IL5RA: variants seen among roughly 807,000 people sequenced by gnomAD.
IL5RA encodes interleukin 5 receptor subunit alpha.
A neutral mutation model predicts 50.0 loss-of-function variants in IL5RA; 49 were observed. The ratio of observed to expected loss-of-function variants is 0.98; its 90% CI spans 0.78 to 1.24. IL5RA has a LOEUF of 1.24. IL5RA is among the 50% of genes most tolerant of loss of function. IL5RA has a pLI of 0.00. For missense variants in IL5RA, 600 were observed against 500.4 expected (o/e 1.20, Z -1.90); for synonymous variants, 202 against 174.0 (o/e 1.16, Z -1.26).
intron 2 of IL5RA, among the ~76,000 whole-genome samples, chr3:3,107,563 T>G (rs536540292): frequency 1.3e-5 from 2 of 152,280 alleles, no homozygotes; most frequent in African/African-American, 4.8e-5. Context: ...CCAATTAAAA[T>G]CTAGCAGAAA....
At chr3:3,073,232 G>A (rs1171653696) in intron 11 of IL5RA, among the ~76,000 whole-genome samples, 3 of 152,154 alleles carry the variant, frequency 2.0e-5, no homozygotes, top group African/African-American at 4.8e-5. Context: ...AATCATTTTG[G>A]TGAGTTTTTC....
In IL5RA at chr3:3,074,885, A is replaced by C. The variant is rs368091203; in HGVS notation, c.1092-19T>G. 12 of 1,482,726 alleles carry C rather than the reference A, an allele frequency of 8.1e-6. No homozygotes were observed. The highest frequency in any genetic ancestry group is 4.5e-5 in the South Asian group (4 of 88,136). The allele number at this position is 1,482,726 out of a possible 1,614,324, so 91.8% of individuals were successfully genotyped here. ...ATGACATCTGAAAACAGAGTAAAGA[A>C]GGAATTAGGTGAGCATGAGTATACC... is the stretch of plus-strand genomic sequence containing the variant. On this transcript the variant is annotated intron_variant, in intron 10 of 11. Coordinates refer to ENST00000446632, the MANE Select transcript of IL5RA (RefSeq NM_175726.4).
rs1450690748 is a variant in IL5RA, at chr3:3,097,978, T to A, written c.601A>T (p.Thr201Ser). Residue 201 changes from threonine to serine, a missense_variant, in exon 7 of 12, where the codon ACT (threonine) becomes TCT (serine). Coordinates refer to ENST00000446632, the MANE Select transcript of IL5RA (RefSeq NM_175726.4). Reference sequence around the variant, plus strand: ...TCACGCCCTTTGCTGAGGATAAAAGTCCTGGGAAACCAGCATGCGATATTT... The same window carrying A: ...TCACGCCCTTTGCTGAGGATAAAAGACCTGGGAAACCAGCATGCGATATTT... ...GRNIACWFPR[T>S]FILSKGRDWL... is the part of the protein sequence containing the mutation. 6.2e-6 allele frequency: 10 copies of A among 1,614,194 alleles called. No homozygotes were observed. Among genetic ancestry groups the A allele is most frequent in the East Asian group, 2.2e-5 (1 of 44,876 alleles).
chr3:3,090,400 G>A (rs1022008764), intron 9 of IL5RA: 4 of 635,836 alleles, frequency 6.3e-6, no homozygotes, highest in East Asian at 5.7e-5. Flanking sequence ...AACAGTTAAC[G>A]ACGTGTGTGT....
chr3:3,108,492 T>G (rs1704036983), intron 2 of IL5RA, 58 bp downstream of exon 2: 1 of 152,238 alleles, frequency 6.6e-6, no homozygotes, highest in African/African-American at 2.4e-5. Flanking sequence ...AGCAAAATAT[T>G]TCCTGCCAAT....
chr3:3,096,465 A>C (rs1009739140), intron 7 of IL5RA, among the ~76,000 whole-genome samples: 19 of 152,152 alleles, frequency 1.2e-4, no homozygotes, highest in African/African-American at 4.3e-4. Flanking sequence ...CACAATTAAT[A>C]GGGAAAAGCT....
At chr3:3,101,480 A>T (rs6808454) in intron 5 of IL5RA, among the ~76,000 whole-genome samples, 9,521 of 152,196 alleles carry the variant, frequency 0.063, 440 homozygotes, top group Admixed American at 0.13. Flanking sequence ...ATGCAGAGAC[A>T]GTGGATATTT....
At chr3:3,101,619 T>C in intron 5 of IL5RA, 73 bp downstream of exon 5, 2 of 1,488,388 alleles carry the variant, frequency 1.3e-6, no homozygotes, top group East Asian at 2.3e-5. Flanking sequence ...AGTGGGTTAG[T>C]GTTAATTTTT....
chr3:3,072,462 A>C (rs1702335573), intron 11 of IL5RA, among the ~76,000 whole-genome samples: 1 of 152,140 alleles, frequency 6.6e-6, no homozygotes, highest in Non-Finnish European at 1.5e-5. Flanking sequence ...ACTTGATTTT[A>C]ATTAACAACA....
intron 4 of IL5RA, among the ~76,000 whole-genome samples, chr3:3,102,328 T>G (rs76696342): frequency 0.019 from 2,954 of 152,334 alleles, 41 homozygotes; most frequent in Middle Eastern, 0.034. Context: ...CCACTCTGCC[T>G]GCTCACTTCT....
At position 3,095,318 on chromosome 3, in the gene IL5RA, G is replaced by T. The variant is rs1703306931; in HGVS notation, c.836C>A (p.Thr279Lys). 5 of 1,598,828 alleles carry T rather than the reference G, an allele frequency of 3.1e-6. No individual in the cohort carries two copies. The highest frequency in any genetic ancestry group is 4.3e-6 in the Non-Finnish European group (5 of 1,167,534). ...AATTACCTGCAAATATCCATTCCTT[G>T]TATTGTGTATTTTTACTTCATAATC... ...CFDYEVKIHN[T>K]RNGYLQIEKL... Residue 279 changes from threonine (T) to lysine (K), a missense_variant, in exon 8 of 12, where the codon ACA becomes AAA. Transcript: ENST00000446632.
Position 3,092,328 on chromosome 3 carries a change from A to G in IL5RA, c.890T>C (p.Ile297Thr). 1 of 1,613,850 alleles carries G rather than the reference A, an allele frequency of 6.2e-7. No individual in the cohort carries two copies. Among genetic ancestry groups the G allele is most frequent in the Non-Finnish European group, 8.5e-7 (1 of 1,179,912 alleles). The change falls in exon 9 of 12, where the codon ATA (isoleucine) becomes ACA (threonine). Residue 297 changes from isoleucine to threonine, a missense_variant. Ile to Thr is a moderately conservative substitution (Grantham distance 89). Transcript: ENST00000446632. The surrounding 1 kb of genome is among the most constrained non-coding windows in gnomAD (Gnocchi z 4.2). ...EKLMTNAFIS[I>T]IDDLSKYDVQ... ...ATCGTACTTAGAAAGATCATCAATTATTGAGATGAATGCATTGGTCATCAA... is the reference window on the plus strand; with the variant it reads ...ATCGTACTTAGAAAGATCATCAATTGTTGAGATGAATGCATTGGTCATCAA...
Position 3,072,988 on chromosome 3 carries a change from A to G in IL5RA, c.1176+1794T>C, listed in dbSNP as rs1365548374. On this transcript the variant is annotated intron_variant, in intron 11 of 11. Transcript: ENST00000446632. The stretch of plus-strand genomic sequence containing the variant: ...GAGGGACTGGCAGCACACATCCAGA[A>G]CAGGCACCAAAGCTCCACCCTGGGG... 4.6e-5 allele frequency among the ~76,000 whole-genome samples: 7 copies of G among 152,300 alleles called. No individual in the cohort carries two copies. The South Asian group carries it at 1.0e-3, about 23-fold the overall frequency.
chr3:3,072,963 G>A (rs955060223), intron 11 of IL5RA, among the ~76,000 whole-genome samples: 1 of 152,136 alleles, frequency 6.6e-6, no homozygotes, highest in Non-Finnish European at 1.5e-5. Context: ...CTAGAGCAAG[G>A]AGGGACTGGC....
At chr3:3,076,089 A>G (rs1486898359) in intron 10 of IL5RA, among the ~76,000 whole-genome samples, 1 of 152,160 alleles carries the variant, frequency 6.6e-6, no homozygotes, top group Admixed American at 6.5e-5. Flanking sequence ...AATAACCATC[A>G]GCCACTCAGG....
chr3:3,090,704 C>G (rs1405271800), intron 9 of IL5RA, among the ~76,000 whole-genome samples: 1 of 151,492 alleles, frequency 6.6e-6, no homozygotes, highest in Non-Finnish European at 1.5e-5. Context: ...GTAGCTGGGA[C>G]TACAGGCGCC....
chr3:3,083,803 C>A (rs1188056216), intron 9 of IL5RA, among the ~76,000 whole-genome samples: 2 of 152,228 alleles, frequency 1.3e-5, no homozygotes, highest in Non-Finnish European at 2.9e-5. Context: ...AATCCCAGCA[C>A]TTTGGGAGGC....
intron 9 of IL5RA, among the ~76,000 whole-genome samples, chr3:3,085,683 A>G (rs1389832933): frequency 1.3e-5 from 2 of 152,158 alleles, no homozygotes; most frequent in Non-Finnish European, 2.9e-5. Flanking sequence ...CAAAAGAAAA[A>G]GGCACAGGAG....
In IL5RA at chr3:3,068,445, T is replaced by A. The variant is rs181948902; in HGVS notation, c.*1780A>T. 6.6e-6 allele frequency: 1 copy of A among 151,918 alleles called. No individual in the cohort carries two copies. Among genetic ancestry groups the A allele is most frequent in the East Asian group, 1.9e-4 (1 of 5,174 alleles). The allele number at this position is 151,918 out of a possible 1,614,324, so 9.4% of individuals were successfully genotyped here. A position where few individuals can be genotyped will look rare whatever the true frequency, so the allele number is the denominator to read the frequency against. ...CAAAAAAGAGCTGGGAATGGTGTTA[T>A]GCACCTGTAGTCCCAGCTACTTGGG... On this transcript the variant is annotated 3_prime_UTR_variant, in exon 12 of 12. Transcript: ENST00000446632.
Sources: gnomAD v4.1 joint callset for allele counts (sites outside exome capture counted in the v4.1 genomes callset) on GRCh38, gnomAD v4.1.1 for gene constraint, Gnocchi (gnomAD v3.1) non-coding constraint, MANE v1.5 for transcripts, NCBI Gene and HGNC (gene_info 2026-07-23, HGNC 2026-07-21) for gene names.